Variants in PRMT8 observed in about 807,000 individuals in gnomAD.
PRMT8 encodes the protein protein arginine N-methyltransferase 8.
In PRMT8, 7 loss-of-function variants were observed where a neutral mutation model predicts 47.1. The observed-to-expected ratio is 0.15, with a 90% confidence interval of 0.08 to 0.28. The LOEUF is 0.28. Among genes scored for constraint, PRMT8 ranks in the 10% least tolerant of loss-of-function variants. PRMT8 has a pLI of 1.00. For synonymous variants in PRMT8, 188 were observed against 186.5 expected, an observed-to-expected ratio of 1.01 and a Z score of -0.07; for missense variants, 237 against 505.4, an observed-to-expected ratio of 0.47 and a Z score of 5.09.
intron 1 of PRMT8, among the ~76,000 whole-genome samples, chr12:3,412,835 G>T (rs1018086836): frequency 3.3e-5 from 5 of 152,020 alleles, no homozygotes; most frequent in African/African-American, 1.2e-4. Flanking sequence ...GGCTGGTCTC[G>T]AACTCCTGAC....
chr12:3,478,752 C>T (rs1272307194), intron 1 of PRMT8, among the ~76,000 whole-genome samples: 1 of 152,192 alleles, frequency 6.6e-6, no homozygotes, highest in African/African-American at 2.4e-5. Flanking sequence ...GGTCTCTCTC[C>T]AGCTTATCAA....
At chr12:3,519,688 T>A (rs1463089556) in intron 1 of PRMT8, among the ~76,000 whole-genome samples, 1 of 152,148 alleles carries the variant, frequency 6.6e-6, no homozygotes, top group South Asian at 2.1e-4. Flanking sequence ...TCAGTAAGGC[T>A]GCAGAAAGGC....
intron 4 of PRMT8, among the ~76,000 whole-genome samples, chr12:3,560,146 C>T (rs1324971753): frequency 1.3e-5 from 2 of 152,234 alleles, no homozygotes; most frequent in Non-Finnish European, 2.9e-5. Flanking sequence ...GGCTGCTGCA[C>T]CTGCTCACTC....
intron 1 of PRMT8, among the ~76,000 whole-genome samples, chr12:3,510,592 C>T (rs1233334341): frequency 1.3e-5 from 2 of 152,044 alleles, no homozygotes; most frequent in Admixed American, 6.5e-5. Context: ...AAATAAGTTG[C>T]TCCCTACTCG....
At chr12:3,549,305 T>A (rs1412448574) in intron 2 of PRMT8, among the ~76,000 whole-genome samples, 7 of 152,036 alleles carry the variant, frequency 4.6e-5, no homozygotes, top group Non-Finnish European at 1.0e-4. Flanking sequence ...TAAAAAAAAA[T>A]TCACCCCAAT....
intron 9 of PRMT8, 77 bp downstream of exon 9, chr12:3,592,429 G>T: frequency 6.7e-7 from 1 of 1,486,526 alleles, no homozygotes. Flanking sequence ...ACTTGCCCGG[G>T]TTCTTAAGTG....
At chr12:3,430,046 G>T (rs141356403) in intron 1 of PRMT8, among the ~76,000 whole-genome samples, 33 of 152,294 alleles carry the variant, frequency 2.2e-4, no homozygotes, top group Admixed American at 6.5e-4. Flanking sequence ...TATTCAGCTG[G>T]GAGCACCGGC....
intron 1 of PRMT8, among the ~76,000 whole-genome samples, chr12:3,517,033 A>ACAAAAC (rs1425646151): frequency 6.6e-6 from 1 of 152,116 alleles, no homozygotes; most frequent in Non-Finnish European, 1.5e-5. Context: ...AACAACAAAA[A>ACAAAAC]CAAAACAATA....
At chr12:3,491,097 T>TG (rs1313696181), upstream of PRMT8, 2 of 918,746 alleles carry the variant, frequency 2.2e-6, no homozygotes, top group African/African-American at 3.6e-5. Flanking sequence ...CCGGGGGCGC[T>TG]GGGGGCCCTC....
At position 3,472,115 on chromosome 12, in the gene PRMT8, C is replaced by T. The variant is rs370774059; in HGVS notation, c.49-68491C>T. ...GTACTGTTCCTTGAGTCAGATCTCC[C>T]CATCAGGTTGCAGCCAATGTCAGGC... is the stretch of plus-strand genomic sequence containing the variant. On this transcript the variant is annotated intron_variant, in intron 1 of 9. Coordinates refer to the PRMT8 transcript ENST00000452611. Among the ~76,000 whole-genome samples the T allele has an allele frequency of 2.6e-5, 4 of 152,186 alleles. 1 individual carries two copies. The highest frequency in any genetic ancestry group is 6.5e-5 in the Admixed American group (1 of 15,290).
At chr12:3,554,296 T>C (rs1254904926) in intron 4 of PRMT8, among the ~76,000 whole-genome samples, 1 of 152,176 alleles carries the variant, frequency 6.6e-6, no homozygotes, top group Non-Finnish European at 1.5e-5. Context: ...CAGTCCCTCC[T>C]CTCTGGAGCC....
Position 3,553,696 on chromosome 12 carries a change from G to C in PRMT8, c.463G>C (p.Ala155Pro). Residue 155 changes from alanine to proline, a missense_variant, in exon 4 of 10, where the codon GCC (alanine) becomes CCC (proline). Physicochemically the swap from Ala to Pro is conservative, Grantham distance 27. This residue lies in a region of PRMT8 where 151 missense variants were observed against 341.1 expected (regional missense o/e 0.44). Transcript: ENST00000382622. ...ISDYSEKIIK[A>P]NHLDNIITIF... The stretch of plus-strand genomic sequence containing the variant: ...TGACTACTCAGAGAAGATCATTAAG[G>C]CCAACCACTTGGACAACAGTAAGAC... 1 of 1,602,214 alleles carries C rather than the reference G, an allele frequency of 6.2e-7. No homozygotes were observed. The highest frequency in any genetic ancestry group is 8.6e-7 in the Non-Finnish European group (1 of 1,169,186).
chr12:3,446,936 A>G (rs529210755), intron 1 of PRMT8, among the ~76,000 whole-genome samples: 1 of 152,298 alleles, frequency 6.6e-6, no homozygotes, highest in African/African-American at 2.4e-5. Flanking sequence ...TGCTGGGAAA[A>G]ACAATTCCAC....
chr12:3,562,544 G>A (rs536234747), intron 4 of PRMT8, among the ~76,000 whole-genome samples: 1 of 152,278 alleles, frequency 6.6e-6, no homozygotes, highest in Admixed American at 6.5e-5. Flanking sequence ...TTGAGAAAAT[G>A]GGGATGTGTT....
At chr12:3,464,361 AC>A (rs746129534) in intron 1 of PRMT8, among the ~76,000 whole-genome samples, 2 of 152,188 alleles carry the variant, frequency 1.3e-5, no homozygotes, top group Non-Finnish European at 2.9e-5. Context: ...AAGAAAAAAA[AC>A]AAAAACCCTG....
At position 3,514,658 on chromosome 12, in the gene PRMT8, G is replaced by T. The variant is rs1234469065; in HGVS notation, c.75+22958G>T. On this transcript the variant is annotated intron_variant, in intron 1 of 9. Coordinates refer to ENST00000382622, the MANE Select transcript of PRMT8 (RefSeq NM_019854.5). This position sits in a 1 kb window ranked among gnomAD's most constrained non-coding sequence, Gnocchi z 5.9. Reference sequence around the variant, plus strand: ...TTTCCTTGCAAAGCTGACCTTTCCGGCTGGGTTCTGCCTGTGGGCGACAGG... The same window carrying T: ...TTTCCTTGCAAAGCTGACCTTTCCGTCTGGGTTCTGCCTGTGGGCGACAGG... 1.3e-5 allele frequency among the ~76,000 whole-genome samples: 2 copies of T among 152,016 alleles called. No individual in the cohort carries two copies. The highest frequency in any genetic ancestry group is 2.1e-4 in the South Asian group (1 of 4,808).
At chr12:3,424,043 T>G (rs1864574398) in intron 1 of PRMT8, among the ~76,000 whole-genome samples, 2 of 152,176 alleles carry the variant, frequency 1.3e-5, no homozygotes, top group South Asian at 2.1e-4. Context: ...GAAGTGACAT[T>G]GAGAGACTGG....
intron 1 of PRMT8, among the ~76,000 whole-genome samples, chr12:3,384,239 G>A (rs978733032): frequency 2.6e-5 from 4 of 151,152 alleles, no homozygotes; most frequent in Admixed American, 6.6e-5. Flanking sequence ...GGTTGAGCAA[G>A]TTCCCCTCTA....
At chr12:3,559,403 T>C (rs2137191114) in intron 4 of PRMT8, among the ~76,000 whole-genome samples, 1 of 152,266 alleles carries the variant, frequency 6.6e-6, no homozygotes, top group Non-Finnish European at 1.5e-5. Context: ...TTTTAGAACG[T>C]TGATGCTCCC....
Sources: gnomAD v4.1 joint callset for allele counts (sites outside exome capture counted in the v4.1 genomes callset) on GRCh38, gnomAD v4.1.1 for gene constraint, gnomAD v4.1.1 regional missense constraint, Gnocchi (gnomAD v3.1) non-coding constraint, MANE v1.5 for transcripts, NCBI Gene and HGNC (gene_info 2026-07-23, HGNC 2026-07-21) for gene names.